The following CLMP variants were observed in gnomAD, a reference collection of about 807,000 sequenced individuals.
The protein encoded by CLMP is CXADR like cell adhesion molecule, also known as CXADR-like membrane protein.
CLMP carries 27 observed loss-of-function variants against 45.2 expected under a neutral mutation model. The observed-to-expected ratio is 0.60, with a 90% CI of 0.44 to 0.82. CLMP has a LOEUF of 0.82. CLMP is among the 40% of genes least tolerant of loss of function. CLMP has a pLI of 0.00. For synonymous variants in CLMP, 167 were observed against 171.4 expected (o/e 0.97, Z 0.20); for missense variants, 403 against 448.4 (o/e 0.90, Z 0.91).
chr11:123,183,618 G>A (rs1016394199), intron 1 of CLMP, among the ~76,000 whole-genome samples: 8 of 152,256 alleles, frequency 5.3e-5, no homozygotes, highest in Admixed American at 5.2e-4. Context: ...TTTTAGCACT[G>A]AGAATCCTGC....
chr11:123,183,603 C>A (rs1215590420), intron 1 of CLMP, among the ~76,000 whole-genome samples: 5 of 152,118 alleles, frequency 3.3e-5, no homozygotes, highest in Non-Finnish European at 7.3e-5. Context: ...TTGGGACTGT[C>A]CCAGTTTTAG....
At chr11:123,159,910 T>C (rs1861461881) in intron 1 of CLMP, among the ~76,000 whole-genome samples, 1 of 152,208 alleles carries the variant, frequency 6.6e-6, no homozygotes, top group African/African-American at 2.4e-5. Context: ...CTGATGATGA[T>C]GATAATTTTA....
chr11:123,184,975 G>A (rs1286840283), intron 1 of CLMP, among the ~76,000 whole-genome samples: 3 of 152,198 alleles, frequency 2.0e-5, no homozygotes, highest in Non-Finnish European at 4.4e-5. Context: ...TAAAGGTGTG[G>A]ACAAGGTGCT....
chr11:123,160,750 G>T (rs971290412), intron 1 of CLMP, among the ~76,000 whole-genome samples: 3 of 152,034 alleles, frequency 2.0e-5, no homozygotes, highest in African/African-American at 7.2e-5. Flanking sequence ...GGCTGAGGTG[G>T]GCGGATCACC....
intron 1 of CLMP, among the ~76,000 whole-genome samples, chr11:123,123,947 G>A (rs1316877986): frequency 1.3e-5 from 2 of 152,266 alleles, no homozygotes; most frequent in East Asian, 3.9e-4. Context: ...GAGAAAGGCA[G>A]GAACGAGCTC....
intron 1 of CLMP, among the ~76,000 whole-genome samples, chr11:123,163,752 G>C (rs1861518909): frequency 6.6e-6 from 1 of 152,176 alleles, no homozygotes; most frequent in East Asian, 1.9e-4. Context: ...GATCCTAGGG[G>C]TTAGAGGTAG....
intron 1 of CLMP, among the ~76,000 whole-genome samples, chr11:123,157,414 C>G (rs1861429089): frequency 6.6e-6 from 1 of 152,138 alleles, no homozygotes; most frequent in African/African-American, 2.4e-5. Flanking sequence ...ATTACCCCGG[C>G]GTGGTGGCAC....
intron 1 of CLMP, among the ~76,000 whole-genome samples, chr11:123,128,249 A>AAC (rs1555082320): frequency 9.2e-5 from 14 of 151,654 alleles, no homozygotes; most frequent in African/African-American, 3.4e-4. Context: ...GAAAAAAAAA[A>AAC]AACAACTCAG....
intron 1 of CLMP, among the ~76,000 whole-genome samples, chr11:123,192,199 T>C (rs1861917195): frequency 6.6e-6 from 1 of 151,944 alleles, no homozygotes; most frequent in Non-Finnish European, 1.5e-5. Flanking sequence ...TGGGGGTGAG[T>C]AGAGGAAGAG....
chr11:123,079,701 T>G (rs1038073318), intron 5 of CLMP, among the ~76,000 whole-genome samples: 1 of 152,188 alleles, frequency 6.6e-6, no homozygotes, highest in Non-Finnish European at 1.5e-5. Context: ...CGCCTCGACC[T>G]CCCAAAGTGC....
chr11:123,078,204 T>C (rs970458567), intron 5 of CLMP, among the ~76,000 whole-genome samples: 8 of 152,292 alleles, frequency 5.3e-5, no homozygotes, highest in Non-Finnish European at 1.2e-4. Context: ...CTGGATAAAA[T>C]GGAATGCAAT....
At chr11:123,121,850 C>T (rs879308229) in intron 1 of CLMP, among the ~76,000 whole-genome samples, 1 of 152,170 alleles carries the variant, frequency 6.6e-6, no homozygotes, top group African/African-American at 2.4e-5. Context: ...TTTCCTTCCC[C>T]ATTTTCAGCC....
At chr11:123,095,125 A>C (rs544308505) in intron 2 of CLMP, among the ~76,000 whole-genome samples, 33 of 152,342 alleles carry the variant, frequency 2.2e-4, no homozygotes, top group African/African-American at 7.9e-4. Context: ...CAAGCAGGGA[A>C]TTGTGACTGC....
intron 2 of CLMP, among the ~76,000 whole-genome samples, chr11:123,086,811 T>C (rs1591451854): frequency 6.6e-6 from 1 of 152,008 alleles, no homozygotes; most frequent in East Asian, 1.9e-4. Flanking sequence ...GCCCAGGAGG[T>C]TGAGGCTATA....
At chr11:123,182,522 C>G (rs1861782965) in intron 1 of CLMP, among the ~76,000 whole-genome samples, 1 of 152,216 alleles carries the variant, frequency 6.6e-6, no homozygotes, top group African/African-American at 2.4e-5. Context: ...TGGAATACCT[C>G]TTTGGTGGCC....
chr11:123,150,589 GGAAGGAAGGAAGGAAT>G (rs1861321945), intron 1 of CLMP, among the ~76,000 whole-genome samples: 3 of 138,452 alleles, frequency 2.2e-5, no homozygotes, highest in Middle Eastern at 4.1e-3. Flanking sequence ...AGGAAAGGAA[GGAAGGAAGGAAGGAAT>G]GAAGGAAGGA....
At chr11:123,187,367 G>T (rs1008346632) in intron 1 of CLMP, among the ~76,000 whole-genome samples, 7 of 152,244 alleles carry the variant, frequency 4.6e-5, no homozygotes, top group African/African-American at 1.7e-4. Flanking sequence ...AGTGACAGAG[G>T]TTGGGTTAGA....
At chr11:123,141,266 C>A (rs1484764933) in intron 1 of CLMP, among the ~76,000 whole-genome samples, 1 of 145,106 alleles carries the variant, frequency 6.9e-6, no homozygotes, top group Non-Finnish European at 1.5e-5. Context: ...CTCACTGCAA[C>A]CTCCGCCTCC....
chr11:123,188,414 TCCTCTTCCTC>T (rs1861861406), intron 1 of CLMP, among the ~76,000 whole-genome samples: 1 of 15,306 alleles, frequency 6.5e-5, no homozygotes, highest in Non-Finnish European at 1.4e-4. Flanking sequence ...GCCTTCCTCC[TCCTCTTCCTC>T]CTCCTCTTCC....
Sources: gnomAD v4.1 joint callset for allele counts (sites outside exome capture counted in the v4.1 genomes callset) on GRCh38, gnomAD v4.1.1 for gene constraint, MANE v1.5 for transcripts, NCBI Gene and HGNC (gene_info 2026-07-23, HGNC 2026-07-21) for gene names.